Variants in NT5DC1 observed in about 807,000 individuals in gnomAD.
NT5DC1 encodes the protein 5'-nucleotidase domain-containing protein 1.
NT5DC1 carries 42 observed loss-of-function variants against 59.4 expected under a neutral mutation model. That is an observed-to-expected ratio of 0.71 (90% CI 0.55 to 0.92). The LOEUF is 0.92. Among genes scored for constraint, NT5DC1 ranks in the 40% least tolerant of loss-of-function variants. NT5DC1 has a pLI of 0.00. For synonymous variants in NT5DC1, 172 were observed against 188.1 expected (o/e 0.91, Z 0.70); for missense variants, 501 against 537.1 (o/e 0.93, Z 0.66).
chr6:116,225,058 A>G (rs1350835336), intron 8 of NT5DC1, among the ~76,000 whole-genome samples: 2 of 152,228 alleles, frequency 1.3e-5, no homozygotes, highest in African/African-American at 2.4e-5. Context: ...GTAATAAAAA[A>G]TAACTTCCAG....
chr6:116,220,227 C>T lies in NT5DC1; in HGVS notation c.530-827C>T, dbSNP rs532499301. On this transcript the variant is annotated intron_variant, in intron 6 of 11. Transcript: ENST00000319550. Reference sequence around the variant, plus strand: ...TTATCTGCTTACTAGTTCTATCATGCTCTGAGAACAGTATGTGTTATGAAT... The same window carrying T: ...TTATCTGCTTACTAGTTCTATCATGTTCTGAGAACAGTATGTGTTATGAAT... Among the ~76,000 whole-genome samples the T allele has an allele frequency of 4.1e-5, 6 of 145,280 alleles. No individual in the cohort carries two copies. In the East Asian group the frequency reaches 1.1e-3, roughly 25 times the overall value.
chr6:116,247,263 A>G lies in NT5DC1; in HGVS notation c.*3239A>G, dbSNP rs1771867939. ...AGCCTCTATCTTTAAGTAATTCATA[A>G]TTTAGCCAAATATATTAAATATCTG... On this transcript the variant is annotated 3_prime_UTR_variant, in exon 12 of 12. Coordinates refer to ENST00000319550, the MANE Select transcript of NT5DC1 (RefSeq NM_152729.3). 1 of 152,186 alleles carries G rather than the reference A, an allele frequency of 6.6e-6. No individual in the cohort carries two copies. The allele number at this position is 152,186 out of a possible 1,614,324, so 9.4% of individuals were successfully genotyped here. A position where few individuals can be genotyped will look rare whatever the true frequency, so the allele number is the denominator to read the frequency against.
At chr6:116,232,742 G>C (rs953836739) in intron 8 of NT5DC1, among the ~76,000 whole-genome samples, 7 of 152,034 alleles carry the variant, frequency 4.6e-5, no homozygotes, top group African/African-American at 9.7e-5. Flanking sequence ...TATCTACTTT[G>C]TAACTATTAT....
intron 6 of NT5DC1, among the ~76,000 whole-genome samples, chr6:116,152,855 T>A (rs1056093138): frequency 6.6e-6 from 1 of 152,132 alleles, no homozygotes; most frequent in Non-Finnish European, 1.5e-5. Flanking sequence ...TTTCTATAGT[T>A]ATATTGCCTC....
chr6:116,142,564 C>T, intron 6 of NT5DC1, among the ~76,000 whole-genome samples: 1 of 151,852 alleles, frequency 6.6e-6, no homozygotes, highest in East Asian at 1.9e-4. Context: ...AAATAAGGTA[C>T]TTAATTTACA....
chr6:116,159,798 T>G (rs1780285995), intron 6 of NT5DC1, among the ~76,000 whole-genome samples: 1 of 152,106 alleles, frequency 6.6e-6, no homozygotes. Flanking sequence ...CCTTTTGGAG[T>G]CCCCAATATC....
chr6:116,202,512 T>C (rs928478799), intron 6 of NT5DC1, among the ~76,000 whole-genome samples: 2 of 152,016 alleles, frequency 1.3e-5, no homozygotes, highest in African/African-American at 4.8e-5. Flanking sequence ...TTATTGGCAA[T>C]AGGTTTATTT....
At chr6:116,172,556 CT>C (rs750763685) in intron 6 of NT5DC1, among the ~76,000 whole-genome samples, 1 of 151,956 alleles carries the variant, frequency 6.6e-6, no homozygotes, top group South Asian at 2.1e-4. Flanking sequence ...TCCTGACCCC[CT>C]GATCCACCCA....
At chr6:116,164,356 T>G (rs538372841) in intron 6 of NT5DC1, among the ~76,000 whole-genome samples, 1 of 152,342 alleles carries the variant, frequency 6.6e-6, no homozygotes, top group South Asian at 2.1e-4. Context: ...TTTGTCTTTT[T>G]TTACTCTTGT....
chr6:116,242,287 G>A (rs983547008), intron 11 of NT5DC1, among the ~76,000 whole-genome samples: 1 of 151,936 alleles, frequency 6.6e-6, no homozygotes, highest in Non-Finnish European at 1.5e-5. Flanking sequence ...AACCCGGGAG[G>A]CGGAGATTGC....
intron 6 of NT5DC1, chr6:116,119,883 G>T (rs376015233): frequency 2.7e-5 from 16 of 601,176 alleles, no homozygotes; most frequent in African/African-American, 2.2e-4. Context: ...TTCAAGAGAG[G>T]CTTCACATAC....
intron 6 of NT5DC1, among the ~76,000 whole-genome samples, chr6:116,124,762 T>C (rs1779241267): frequency 6.6e-6 from 1 of 152,192 alleles, no homozygotes; most frequent in East Asian, 1.9e-4. Context: ...ATTTTACCGC[T>C]AAACTATATT....
At chr6:116,141,273 T>G (rs1055503314) in intron 6 of NT5DC1, among the ~76,000 whole-genome samples, 2 of 152,220 alleles carry the variant, frequency 1.3e-5, no homozygotes, top group African/African-American at 4.8e-5. Flanking sequence ...ATTTTTTTTT[T>G]TTGGTGGTGG....
chr6:116,146,678 G>A (rs1260411085), intron 6 of NT5DC1, among the ~76,000 whole-genome samples: 1 of 152,062 alleles, frequency 6.6e-6, no homozygotes, highest in Non-Finnish European at 1.5e-5. Flanking sequence ...TTAAACTTAA[G>A]TATGCTATAA....
intron 6 of NT5DC1, among the ~76,000 whole-genome samples, chr6:116,203,592 T>A (rs1285244768): frequency 6.6e-6 from 1 of 152,016 alleles, no homozygotes; most frequent in Non-Finnish European, 1.5e-5. Flanking sequence ...TATATTAATA[T>A]AACTACACCA....
At chr6:116,113,753 T>G (rs1213277893) in intron 4 of NT5DC1, among the ~76,000 whole-genome samples, 1 of 152,208 alleles carries the variant, frequency 6.6e-6, no homozygotes, top group Admixed American at 6.5e-5. Flanking sequence ...AAATCAATAG[T>G]TCAACTCTTA....
At chr6:116,241,966 A>G (rs1771740441) in intron 11 of NT5DC1, among the ~76,000 whole-genome samples, 1 of 148,132 alleles carries the variant, frequency 6.8e-6, no homozygotes, top group Non-Finnish European at 1.5e-5. Flanking sequence ...AAAACAAAGA[A>G]TCAGCAAGAC....
Position 116,100,858 on chromosome 6 carries a change from C to G in NT5DC1, c.-73C>G, listed in dbSNP as rs1378759596. On this transcript the variant is annotated 5_prime_UTR_variant, in exon 1 of 12. Coordinates refer to ENST00000319550, the MANE Select transcript of NT5DC1 (RefSeq NM_152729.3). ...CCCGCCGCGTCCGGCCCGGTCCTGT[C>G]CCGCAGCGTCCCGCCAGCCAGCTCC... 5.0e-6 allele frequency: 6 copies of G among 1,208,038 alleles called. No homozygotes were observed. The highest frequency in any genetic ancestry group is 6.0e-5 in the East Asian group (2 of 33,286). The allele number at this position is 1,208,038 out of a possible 1,614,324, so 74.8% of individuals were successfully genotyped here. A position where few individuals can be genotyped will look rare whatever the true frequency, so the allele number is the denominator to read the frequency against.
In NT5DC1 at chr6:116,209,202, G is replaced by A. The variant is rs560649958; in HGVS notation, c.530-11852G>A. ...AAACCTTTTCTTAAAGGGCCAGATA[G>A]TAAATATTATAGGCTTTGGGCACCA... On this transcript the variant is annotated intron_variant, in intron 6 of 11. Coordinates refer to ENST00000319550, the MANE Select transcript of NT5DC1 (RefSeq NM_152729.3). 2.0e-5 allele frequency among the ~76,000 whole-genome samples: 3 copies of A among 152,094 alleles called. No individual in the cohort carries two copies. The South Asian group carries it at 6.2e-4, about 32-fold the overall frequency.
Sources: gnomAD v4.1 joint callset for allele counts (sites outside exome capture counted in the v4.1 genomes callset) on GRCh38, gnomAD v4.1.1 for gene constraint, MANE v1.5 for transcripts, NCBI Gene and HGNC (gene_info 2026-07-23, HGNC 2026-07-21) for gene names.